The following SSUH2 variants were observed in gnomAD, a reference collection of about 807,000 sequenced individuals.
SSUH2 encodes ssu-2 homolog.
A neutral mutation model predicts 55.3 loss-of-function variants in SSUH2; 47 were observed. The observed-to-expected ratio is 0.85, with a 90% CI of 0.67 to 1.08. The LOEUF (loss-of-function observed/expected upper bound fraction) is 1.08. SSUH2 is among the 50% of genes least tolerant of loss of function. SSUH2 has a pLI of 0.00. For missense variants in SSUH2, 535 were observed against 490.7 expected, an observed-to-expected ratio of 1.09 and a Z score of -0.85; for synonymous variants, 212 against 191.5, an observed-to-expected ratio of 1.11 and a Z score of -0.89.
At chr3:8,632,366 T>G (rs1404962068) in intron 4 of SSUH2, among the ~76,000 whole-genome samples, 1 of 152,212 alleles carries the variant, frequency 6.6e-6, no homozygotes, top group Non-Finnish European at 1.5e-5. Flanking sequence ...CCCCATGAAT[T>G]TATACAAAGA....
At chr3:8,648,192 A>G (rs1239579104), upstream of SSUH2, among the ~76,000 whole-genome samples, 1 of 152,204 alleles carries the variant, frequency 6.6e-6, no homozygotes, top group Non-Finnish European at 1.5e-5. Flanking sequence ...TAGACGAGAC[A>G]ACAAGGGCTT....
chr3:8,649,502 C>T (rs747139908), upstream of SSUH2, among the ~76,000 whole-genome samples: 3 of 152,138 alleles, frequency 2.0e-5, no homozygotes, highest in Non-Finnish European at 4.4e-5. Flanking sequence ...TTGACCTCTC[C>T]TCTGAACTCC....
intron 6 of SSUH2, chr3:8,659,556 A>T (rs549838049): frequency 2.0e-4 from 64 of 313,554 alleles, no homozygotes; most frequent in African/African-American, 1.4e-3. Flanking sequence ...AGAGTTAGAG[A>T]ATTCCCAAGT....
chr3:8,665,600 G>C (rs964140287), intron 5 of SSUH2, among the ~76,000 whole-genome samples: 1 of 150,394 alleles, frequency 6.6e-6, no homozygotes, highest in Admixed American at 6.6e-5. Flanking sequence ...GACCACAGAG[G>C]TCACTAAGGG....
intron 4 of SSUH2, 38 bp downstream of exon 4, chr3:8,633,628 C>A (rs1449939830): frequency 1.4e-6 from 2 of 1,477,840 alleles, no homozygotes; most frequent in Non-Finnish European, 1.8e-6. Context: ...GCTCCCCAGC[C>A]CCCCGGCCAA....
rs112869992 is a variant in SSUH2, at chr3:8,655,137, C to T, written c.-307+3788G>A. On this transcript the variant is annotated intron_variant, in intron 7 of 18. Coordinates refer to the SSUH2 transcript ENST00000317371. ...TCAGTGTGTGGCCTCCCCAAGATCA[C>T]AGTGGGTGGCCTCTTCCCCCGGGTC... is the stretch of plus-strand genomic sequence containing the variant. Among the ~76,000 whole-genome samples, 92 of 20,222 alleles carry T rather than the reference C, an allele frequency of 4.5e-3. 3 individuals carry two copies. The highest frequency in any genetic ancestry group is 9.5e-3 in the African/African-American group (82 of 8,662). The allele number at this position is 20,222 out of a possible 152,430, so 13.3% of individuals were successfully genotyped here. A position where few individuals can be genotyped will look rare whatever the true frequency, so the allele number is the denominator to read the frequency against.
chr3:8,678,503 CCCCG>C (rs1705612104), intron 2 of SSUH2, among the ~76,000 whole-genome samples: 1 of 139,092 alleles, frequency 7.2e-6, no homozygotes, highest in South Asian at 2.6e-4. Context: ...GTGAGGCACC[CCCCG>C]CGAGGCGGGG....
At chr3:8,677,781 A>G (rs1705528941) in intron 2 of SSUH2, among the ~76,000 whole-genome samples, 1 of 150,684 alleles carries the variant, frequency 6.6e-6, no homozygotes, top group Admixed American at 6.6e-5. Context: ...AAACCTGAAC[A>G]TAAAGGCCCC....
intron 5 of SSUH2, among the ~76,000 whole-genome samples, chr3:8,666,852 T>C (rs564770608): frequency 1.3e-5 from 2 of 152,272 alleles, no homozygotes; most frequent in African/African-American, 4.8e-5. Context: ...AGCCCCTCTT[T>C]GGGTTTGACT....
chr3:8,679,227 T>C (rs548800624), intron 2 of SSUH2, among the ~76,000 whole-genome samples: 716 of 2,110 alleles, frequency 0.34, 157 homozygotes, highest in Middle Eastern at 0.75. Context: ...GCACCCTCCG[T>C]GAGCGGGGAC....
At chr3:8,653,363 T>TC (rs1297431913) in intron 7 of SSUH2, among the ~76,000 whole-genome samples, 2 of 152,214 alleles carry the variant, frequency 1.3e-5, no homozygotes, top group Non-Finnish European at 2.9e-5. Flanking sequence ...AAACTAATGG[T>TC]CACCCCACCT....
intron 3 of SSUH2, among the ~76,000 whole-genome samples, chr3:8,673,280 T>G (rs1174562524): frequency 6.6e-6 from 1 of 152,100 alleles, no homozygotes; most frequent in Admixed American, 6.5e-5. Flanking sequence ...ACATGATCAG[T>G]TATTAATATT....
rs1272382495 is a variant in SSUH2, at chr3:8,678,979, GT to G, written c.-901+725del. ...TGGGACGCCCATCGCAGGGCGGAGA[GT>G]CACCCCCCGCGAGGTGGGGACTGAG... On this transcript the variant is annotated intron_variant, in intron 2 of 18. Coordinates refer to the SSUH2 transcript ENST00000317371. Among the ~76,000 whole-genome samples, 6 of 97,072 alleles carry G rather than the reference GT, an allele frequency of 6.2e-5. 1 individual carries two copies. Among genetic ancestry groups the G allele is most frequent in the East Asian group, 5.1e-4 (2 of 3,896 alleles). The allele number at this position is 97,072 out of a possible 152,430, so 63.7% of individuals were successfully genotyped here.
Position 8,674,512 on chromosome 3 carries a change from C to T in SSUH2, c.-752-2477G>A, listed in dbSNP as rs140778692. ...CTTGTAGACAGCGGTGCTGAACATT[C>T]GCTAGTAACCGCCCCGGTCACCCCC... On this transcript the variant is annotated intron_variant, in intron 3 of 18. Transcript: ENST00000317371. 2.9e-3 allele frequency among the ~76,000 whole-genome samples: 442 copies of T among 152,238 alleles called. 15 individuals are homozygous for T. In the East Asian group the frequency reaches 0.046, roughly 16 times the overall value.
chr3:8,630,585 T>C (rs558283976), intron 6 of SSUH2, among the ~76,000 whole-genome samples: 2 of 152,336 alleles, frequency 1.3e-5, no homozygotes, highest in South Asian at 4.1e-4. Flanking sequence ...GGATGATCTG[T>C]TTGCTAGGTG....
intron 4 of SSUH2, among the ~76,000 whole-genome samples, chr3:8,671,638 T>G (rs1372942228): frequency 6.6e-6 from 1 of 152,092 alleles, no homozygotes; most frequent in Non-Finnish European, 1.5e-5. Flanking sequence ...TGTGACAACA[T>G]GAATAACATT....
chr3:8,622,753 G>A (rs930285360), intron 11 of SSUH2, among the ~76,000 whole-genome samples: 18 of 152,298 alleles, frequency 1.2e-4, no homozygotes, highest in Admixed American at 3.3e-4. Context: ...AATGCCCATT[G>A]CAAAGGACAG....
At chr3:8,649,204 C>G (rs1034381376), upstream of SSUH2, among the ~76,000 whole-genome samples, 1 of 152,200 alleles carries the variant, frequency 6.6e-6, no homozygotes, top group Non-Finnish European at 1.5e-5. Context: ...TCCTCCTCCT[C>G]AAAGTCTTCT....
Position 8,619,594 on chromosome 3 carries a change from G to T in SSUH2, c.*274C>A. The T allele has an allele frequency of 3.0e-6, 1 of 328,468 alleles. No individual in the cohort carries two copies. Among genetic ancestry groups the T allele is most frequent in the Non-Finnish European group, 5.5e-6 (1 of 182,374 alleles). The allele number at this position is 328,468 out of a possible 1,614,324, so 20.3% of individuals were successfully genotyped here. On this transcript the variant is annotated 3_prime_UTR_variant, in exon 12 of 12. Transcript: ENST00000544814. ...CGGGGCATTAACTTGGAGACCAGAG[G>T]CAAAGTCCTTGCCATTTAAATTATT...
Sources: gnomAD v4.1 joint callset for allele counts (sites outside exome capture counted in the v4.1 genomes callset) on GRCh38, gnomAD v4.1.1 for gene constraint, MANE v1.5 for transcripts, NCBI Gene and HGNC (gene_info 2026-07-23, HGNC 2026-07-21) for gene names.